The following BSCL2 variants were observed in gnomAD, a reference collection of about 807,000 sequenced individuals.
BSCL2 encodes the protein BSCL2 lipid droplet biogenesis associated, seipin, also known as seipin.
A neutral mutation model predicts 57.4 loss-of-function variants in BSCL2; 41 were observed. The observed-to-expected ratio is 0.71, with a 90% CI of 0.56 to 0.93. The LOEUF (loss-of-function observed/expected upper bound fraction) is 0.93, where lower values mean the gene tolerates loss of function less well. BSCL2 is among the 40% of genes least tolerant of loss of function. BSCL2 has a pLI of 0.00. For missense variants in BSCL2, 539 were observed against 586.7 expected, an observed-to-expected ratio of 0.92 and a Z score of 0.84; for synonymous variants, 237 against 227.3, an observed-to-expected ratio of 1.04 and a Z score of -0.38.
intron 2 of BSCL2, among the ~76,000 whole-genome samples, chr11:62,704,604 T>C (rs558357031): frequency 4.0e-5 from 6 of 150,370 alleles, no homozygotes; most frequent in Admixed American, 2.0e-4. Flanking sequence ...ATACAAAAAT[T>C]AGCCAGATGT....
Position 62,705,597 on chromosome 11 carries a change from G to A in BSCL2, c.108C>T (p.Ser36=). 6.5e-7 allele frequency: 1 copy of A among 1,548,268 alleles called. No individual in the cohort carries two copies. The highest frequency in any genetic ancestry group is 8.7e-7 in the Non-Finnish European group (1 of 1,143,260). ...DKEEEPPAAA[S]HGQGWRPGGR... ...CACCTGGACGCCACCCCTGGCCATG[G>A]GATGCAGCAGCTGGTGGTTCCTGGA... The change falls in exon 2 of 11, where the codon TCC becomes TCT. Residue 36 remains serine, a synonymous_variant. Transcript: ENST00000360796.
chr11:62,702,786 TG>T (rs1482604216), intron 2 of BSCL2, among the ~76,000 whole-genome samples: 1 of 152,130 alleles, frequency 6.6e-6, no homozygotes, highest in Non-Finnish European at 1.5e-5. Flanking sequence ...TGTTCTTAGA[TG>T]GGAATCTAGA....
chr11:62,706,473 G>A, intron 1 of BSCL2: 1 of 401,834 alleles, frequency 2.5e-6, no homozygotes, highest in South Asian at 1.9e-5. Flanking sequence ...CTCTGCGGCA[G>A]GTTTCCCTCC....
chr11:62,705,280 T>C, intron 2 of BSCL2, 21 bp downstream of exon 2: 1 of 1,587,870 alleles, frequency 6.3e-7, no homozygotes, highest in South Asian at 1.1e-5. Flanking sequence ...GTCCTCTATT[T>C]TGATAGAAGG....
chr11:62,705,806 C>T (rs1182064026), intron 1 of BSCL2, 189 bp from the exon 2 acceptor site: 5 of 627,300 alleles, frequency 8.0e-6, no homozygotes, highest in Non-Finnish European at 1.1e-5. Flanking sequence ...CCACTGTGTT[C>T]CCTCCCGCCC....
At chr11:62,708,812 C>G (rs1180914839), upstream of BSCL2, 1 of 1,608,176 alleles carries the variant, frequency 6.2e-7, no homozygotes, top group Non-Finnish European at 8.5e-7. Context: ...TCTGAGCTCC[C>G]CTGTCCCTTC....
intron 3 of BSCL2, among the ~76,000 whole-genome samples, chr11:62,698,623 A>G (rs537807895): frequency 6.6e-6 from 1 of 152,280 alleles, no homozygotes; most frequent in Non-Finnish European, 1.5e-5. Context: ...CGTTACACAT[A>G]GTGGACAGAT....
At chr11:62,693,639 G>A (rs1226139115) in intron 4 of BSCL2, among the ~76,000 whole-genome samples, 1 of 152,138 alleles carries the variant, frequency 6.6e-6, no homozygotes, top group Non-Finnish European at 1.5e-5. Flanking sequence ...AAGAAGTTAA[G>A]TCAGGTGACC....
chr11:62,697,490 T>TA (rs1451375484), intron 3 of BSCL2: 2 of 150,328 alleles, frequency 1.3e-5, no homozygotes, highest in Admixed American at 1.3e-4. Context: ...CACCCTTCCT[T>TA]AAAAGATCCG....
upstream of BSCL2, chr11:62,707,989 G>A (rs1047385003): frequency 1.9e-5 from 8 of 410,494 alleles, no homozygotes; most frequent in African/African-American, 1.0e-4. Flanking sequence ...CCTCATCAGG[G>A]TTGGTTGAGG....
upstream of BSCL2, chr11:62,709,130 C>G (rs2083590974): frequency 2.1e-6 from 1 of 480,062 alleles, no homozygotes; most frequent in Non-Finnish European, 4.1e-6. Flanking sequence ...GGGCCAGGTT[C>G]TTGCTCTCAG....
chr11:62,707,450 A>G, upstream of BSCL2: 1 of 692,768 alleles, frequency 1.4e-6, no homozygotes, highest in Non-Finnish European at 2.6e-6. Context: ...CAGCCAGTAC[A>G]GACTCCACTG....
Position 62,705,291 on chromosome 11 carries a change from C to A in BSCL2, c.404+10G>T. 1 of 1,601,428 alleles carries A rather than the reference C, an allele frequency of 6.2e-7. No individual in the cohort carries two copies. Among genetic ancestry groups the A allele is most frequent in the Non-Finnish European group, 8.5e-7 (1 of 1,173,330 alleles). ...AGGAGTCCTCTATTTTGATAGAAGG[C>A]CCCTCTCACCTGTAGTAGAAATGCA... On this transcript the variant is annotated intron_variant, in intron 2 of 10. Transcript: ENST00000360796.
Position 62,692,806 on chromosome 11 carries a change from G to A in BSCL2, c.631-9C>T, listed in dbSNP as rs1245552202. The A allele has an allele frequency of 7.4e-6, 12 of 1,612,746 alleles. No homozygotes were observed. Among genetic ancestry groups the A allele is most frequent in the Non-Finnish European group, 1.0e-5 (12 of 1,179,972 alleles). On this transcript the variant is annotated splice_polypyrimidine_tract_variant and intron_variant, in intron 4 of 10. Coordinates refer to ENST00000360796, the MANE Select transcript of BSCL2 (RefSeq NM_001122955.4). The stretch of plus-strand genomic sequence containing the variant: ...CGGTAATGCAGCATCACCTGCCGGG[G>A]GTGGGAAGCAGAGGCTGGGGACAGG...
intron 3 of BSCL2, 121 bp downstream of exon 3, chr11:62,702,347 T>C: frequency 6.7e-6 from 6 of 896,924 alleles, no homozygotes; most frequent in Non-Finnish European, 8.7e-6. Flanking sequence ...ATTACAGGCG[T>C]GAGCCACCGT....
chr11:62,692,499 C>T (rs1344118626), intron 5 of BSCL2, 26 bp from the exon 6 acceptor site: 12 of 1,612,314 alleles, frequency 7.4e-6, no homozygotes, highest in African/African-American at 5.3e-5. Context: ...GTGAGGGTGG[C>T]GTCAGGCCAG....
chr11:62,702,697 G>A, intron 2 of BSCL2, 148 bp from the exon 3 acceptor site: 1 of 673,644 alleles, frequency 1.5e-6, no homozygotes, highest in Non-Finnish European at 2.7e-6. Flanking sequence ...GAGAACAAAT[G>A]TGGCCAGGAG....
intron 3 of BSCL2, among the ~76,000 whole-genome samples, chr11:62,697,121 G>A (rs186478779): frequency 3.3e-5 from 5 of 152,080 alleles, no homozygotes; most frequent in Non-Finnish European, 5.9e-5. Flanking sequence ...CCGGCCGGGC[G>A]CGGTGGCTCA....
chr11:62,691,028 C>G, intron 8 of BSCL2, 47 bp downstream of exon 8: 1 of 1,609,142 alleles, frequency 6.2e-7, no homozygotes. Flanking sequence ...TGGCCCAGCC[C>G]AGCTCAACCT....
Sources: gnomAD v4.1 joint callset for allele counts (sites outside exome capture counted in the v4.1 genomes callset) on GRCh38, gnomAD v4.1.1 for gene constraint, MANE v1.5 for transcripts, NCBI Gene and HGNC (gene_info 2026-07-23, HGNC 2026-07-21) for gene names.